PHKA2: variants seen among roughly 807,000 people sequenced by gnomAD.
PHKA2 encodes phosphorylase kinase regulatory subunit alpha 2, also known as phosphorylase b kinase regulatory subunit alpha, liver isoform.
In PHKA2, 31 loss-of-function variants were observed where a neutral mutation model predicts 102.0. The observed-to-expected ratio is 0.30, with a 90% CI of 0.23 to 0.41. PHKA2 has a LOEUF of 0.41. Among genes scored for constraint, PHKA2 ranks in the 10% least tolerant of loss-of-function variants. PHKA2 has a pLI of 1.00. For synonymous variants in PHKA2, 455 were observed against 416.2 expected, an observed-to-expected ratio of 1.09 and a Z score of -1.13; for missense variants, 858 against 1,023.1, an observed-to-expected ratio of 0.84 and a Z score of 2.20.
intron 19 of PHKA2, among the ~76,000 whole-genome samples, chrX:18,917,138 T>C (rs2048031882): frequency 9.0e-6 from 1 of 111,160 alleles, no homozygotes; most frequent in Non-Finnish European, 1.9e-5. Flanking sequence ...GTTTCCCAGA[T>C]TGCTCAGATT....
At chrX:18,960,426 G>A (rs1339882673) in intron 1 of PHKA2, among the ~76,000 whole-genome samples, 4 of 111,839 alleles carry the variant, frequency 3.6e-5, no homozygotes, top group Non-Finnish European at 5.6e-5. Context: ...CAGGAAGCAT[G>A]GGGCATCTGC....
chrX:18,925,237 A>G (rs1420719617), intron 15 of PHKA2, among the ~76,000 whole-genome samples: 3 of 112,390 alleles, frequency 2.7e-5, no homozygotes, highest in African/African-American at 6.5e-5. Context: ...CCACAGGACT[A>G]GTTTTCTTTG....
chrX:18,973,337 C>G (rs1440042185), intron 1 of PHKA2, among the ~76,000 whole-genome samples: 1 of 112,045 alleles, frequency 8.9e-6, no homozygotes, highest in Non-Finnish European at 1.9e-5. Flanking sequence ...TTAATGGATA[C>G]TGGATTTTAT....
intron 25 of PHKA2, among the ~76,000 whole-genome samples, chrX:18,906,246 A>T (rs771144267): frequency 1.2e-4 from 13 of 112,168 alleles, no homozygotes; most frequent in Non-Finnish European, 2.4e-4. Context: ...GGAAGATTCC[A>T]CATCGCCTTT....
chrX:18,966,927 G>A (rs2048953809), intron 1 of PHKA2, among the ~76,000 whole-genome samples: 1 of 111,649 alleles, frequency 9.0e-6, no homozygotes, highest in Admixed American at 9.5e-5. Flanking sequence ...GAGGAGGGAC[G>A]GCGAGGCTGG....
chrX:18,974,955 C>G (rs941883056), intron 1 of PHKA2, among the ~76,000 whole-genome samples: 8 of 110,365 alleles, frequency 7.2e-5, no homozygotes, highest in African/African-American at 2.6e-4. Flanking sequence ...TTTTGGGGGT[C>G]TCCTCTTTGA....
chrX:18,928,169 T>G (rs977037139), intron 13 of PHKA2, among the ~76,000 whole-genome samples: 4 of 111,964 alleles, frequency 3.6e-5, no homozygotes, highest in Admixed American at 9.4e-5. Context: ...CAGGAATGGA[T>G]TCACACCTAC....
chrX:18,899,038 G>T, intron 29 of PHKA2, 135 bp downstream of exon 29: 5 of 561,862 alleles, frequency 8.9e-6, no homozygotes, highest in Admixed American at 5.1e-5. Context: ...AATTCCAGTT[G>T]GAGGAGCCTG....
intron 13 of PHKA2, among the ~76,000 whole-genome samples, chrX:18,927,292 A>G (rs1200674767): frequency 8.9e-6 from 1 of 112,137 alleles, no homozygotes; most frequent in East Asian, 2.8e-4. Flanking sequence ...TGGAGGAGGG[A>G]GGCCATCACC....
At chrX:18,932,656 T>A (rs920369879) in intron 11 of PHKA2, among the ~76,000 whole-genome samples, 6 of 110,830 alleles carry the variant, frequency 5.4e-5, no homozygotes. Context: ...AATAGGACAA[T>A]AGTGTGGAAG....
chrX:18,963,475 A>T (rs2048897828), intron 1 of PHKA2, among the ~76,000 whole-genome samples: 1 of 112,337 alleles, frequency 8.9e-6, no homozygotes, highest in Non-Finnish European at 1.9e-5. Context: ...GGCACTGTAA[A>T]GAGACATACC....
chrX:18,893,264 C>T lies in PHKA2; in HGVS notation c.*221G>A, dbSNP rs1324141281. On this transcript the variant is annotated 3_prime_UTR_variant, in exon 33 of 33. Coordinates refer to ENST00000379942, the MANE Select transcript of PHKA2 (RefSeq NM_000292.3). ...AGAGAAATGAACCTAGAAAATGATC[C>T]CGGGGTGCTCCTTGCGGGGGAACAC... The T allele has an allele frequency of 1.1e-5, 5 of 441,256 alleles. No homozygotes were observed. Among genetic ancestry groups the T allele is most frequent in the African/African-American group, 7.4e-5 (3 of 40,406 alleles). 36.4% of individuals were successfully genotyped at this position (441,256 alleles called of 1,213,427 possible).
chrX:18,958,080 G>A (rs951077745), intron 1 of PHKA2, among the ~76,000 whole-genome samples: 3 of 110,880 alleles, frequency 2.7e-5, no homozygotes, highest in Admixed American at 9.6e-5. Flanking sequence ...GGCTGGTCTC[G>A]AACTCCTGAC....
At chrX:18,902,479 C>T (rs767806936) in intron 26 of PHKA2, among the ~76,000 whole-genome samples, 18 of 108,129 alleles carry the variant, frequency 1.7e-4, no homozygotes, top group East Asian at 3.1e-4. Flanking sequence ...AAAACATACC[C>T]GGCCAGGCGC....
Position 18,893,705 on chromosome X carries a change from G to A in PHKA2, c.3538-50C>T, listed in dbSNP as rs777833354. 253 of 1,113,355 alleles carry A rather than the reference G, an allele frequency of 2.3e-4. 2 individuals are homozygous for A. In the South Asian group the frequency reaches 4.1e-3, roughly 18 times the overall value. The allele number at this position is 1,113,355 out of a possible 1,213,427, so 91.8% of individuals were successfully genotyped here. A position where few individuals can be genotyped will look rare whatever the true frequency, so the allele number is the denominator to read the frequency against. ...ACAATAAGCGGAGCCCCCACTCCCC[G>A]TCACGCTTCTGCGTGGTGGTGGCAG... On this transcript the variant is annotated intron_variant, in intron 32 of 32. Coordinates refer to ENST00000379942, the MANE Select transcript of PHKA2 (RefSeq NM_000292.3).
chrX:18,898,787 G>A (rs1601697213), intron 29 of PHKA2, among the ~76,000 whole-genome samples: 3 of 112,347 alleles, frequency 2.7e-5, no homozygotes, highest in Admixed American at 9.4e-5. Flanking sequence ...AGCCCTGCAC[G>A]AGATCTGGGG....
At chrX:18,948,512 C>G (rs1425855271) in intron 5 of PHKA2, among the ~76,000 whole-genome samples, 1 of 111,835 alleles carries the variant, frequency 8.9e-6, no homozygotes, top group African/African-American at 3.3e-5. Context: ...AAAAATATAA[C>G]AAGCATAATG....
At position 18,920,192 on chromosome X, in the gene PHKA2, T is replaced by C. The variant is rs778313153; in HGVS notation, c.1803A>G (p.Leu601=). The change falls in exon 18 of 33, where the codon TTA becomes TTG. Residue 601 remains leucine, a synonymous_variant. Transcript: ENST00000379942. ...TGGTGAGAAATTCCGAAAGGTTCCCTAATTTTACTCTGCCAAGAAGACACC... is the reference window on the plus strand; with the variant it reads ...TGGTGAGAAATTCCGAAAGGTTCCCCAATTTTACTCTGCCAAGAAGACACC... ...DGYFGGARVK[L]GNLSEFLTTS... The C allele has an allele frequency of 1.0e-6, 1 of 1,001,984 alleles. No homozygotes were observed. The highest frequency in any genetic ancestry group is 2.2e-5 in the Admixed American group (1 of 45,826). 82.6% of individuals were successfully genotyped at this position (1,001,984 alleles called of 1,213,427 possible).
At chrX:18,918,951 G>T in intron 18 of PHKA2, 97 bp from the exon 19 acceptor site, 1 of 720,948 alleles carries the variant, frequency 1.4e-6, no homozygotes, top group Non-Finnish European at 2.2e-6. Context: ...CACTGAGTAG[G>T]CTTAGCAGAT....
Sources: allele counts gnomAD v4.1 joint callset (sites outside exome capture counted in the v4.1 genomes callset), GRCh38; gene constraint gnomAD v4.1.1; transcripts MANE v1.5; gene names NCBI Gene and HGNC (gene_info 2026-07-23, HGNC 2026-07-21).